Variants in ARID1A observed in about 807,000 individuals in gnomAD.
ARID1A encodes AT-rich interaction domain 1A, also known as AT-rich interactive domain-containing protein 1A.
Under a neutral mutation model 212.6 loss-of-function variants are expected in ARID1A, and 20 were observed. The ratio of observed to expected loss-of-function variants is 0.09; its 90% confidence interval spans 0.07 to 0.14. The LOEUF is 0.14. Ranked by LOEUF, ARID1A falls within the 10% of genes least tolerant of loss-of-function variation. The probability of loss-of-function intolerance (pLI) is 1.00; values close to 1 mark genes in which losing one functional copy is unlikely to be tolerated. For missense variants in ARID1A, 2,587 were observed against 3,059.0 expected, an observed-to-expected ratio of 0.85 and a Z score of 3.64; for synonymous variants, 1,376 against 1,222.1, an observed-to-expected ratio of 1.13 and a Z score of -2.63.
intron 4 of ARID1A, among the ~76,000 whole-genome samples, chr1:26,750,536 A>G (rs2080874846): frequency 6.6e-6 from 1 of 152,072 alleles, no homozygotes; most frequent in Non-Finnish European, 1.5e-5. Context: ...CAAAACCCAA[A>G]CATCCTGCAG....
At chr1:26,758,653 G>C (rs2080963149) in intron 4 of ARID1A, among the ~76,000 whole-genome samples, 1 of 151,940 alleles carries the variant, frequency 6.6e-6, no homozygotes, top group Non-Finnish European at 1.5e-5. Context: ...AAGAACCAAG[G>C]ATGTAATCCC....
chr1:26,752,553 T>C (rs529688551), intron 4 of ARID1A, among the ~76,000 whole-genome samples: 8 of 152,358 alleles, frequency 5.3e-5, no homozygotes, highest in African/African-American at 1.9e-4. Context: ...CAAAAACTTA[T>C]TTGCCTTAAG....
intron 4 of ARID1A, among the ~76,000 whole-genome samples, chr1:26,740,861 G>A (rs186574198): frequency 9.8e-5 from 15 of 152,300 alleles, no homozygotes; most frequent in Admixed American, 9.8e-4. Flanking sequence ...AAGAATACAG[G>A]ACTGAGAATA....
chr1:26,737,639 G>C (rs1418335663), intron 4 of ARID1A, among the ~76,000 whole-genome samples: 2 of 152,128 alleles, frequency 1.3e-5, no homozygotes, highest in Non-Finnish European at 2.9e-5. Flanking sequence ...GCTGAGGTGG[G>C]CGGATCACCT....
chr1:26,771,268 C>A lies in ARID1A; in HGVS notation c.3348C>A (p.Asp1116Glu), dbSNP rs2124097980. 1 of 1,614,212 alleles carries A rather than the reference C, an allele frequency of 6.2e-7. No homozygotes were observed. The highest frequency in any genetic ancestry group is 1.3e-5 in the African/African-American group (1 of 75,050). Residue 1116 changes from aspartate (D) to glutamate (E), a missense_variant, in exon 12 of 20, where the codon GAC becomes GAA. This residue lies in a region of ARID1A where 890 missense variants were observed against 1,098.2 expected (regional missense o/e 0.81). Coordinates refer to ENST00000324856, the MANE Select transcript of ARID1A (RefSeq NM_006015.6). The surrounding 1 kb of genome is among the most constrained non-coding windows in gnomAD (Gnocchi z 5.4). ...KIERGEDPPP[D>E]IFAAADSKKS... Reference sequence around the variant, plus strand: ...AACGGGGAGAAGACCCTCCCCCAGACATCTTTGCAGCTGCTGATTCCAAGA... The same window carrying A: ...AACGGGGAGAAGACCCTCCCCCAGAAATCTTTGCAGCTGCTGATTCCAAGA...
At position 26,731,450 on chromosome 1, in the gene ARID1A, C is replaced by G. The variant is rs761975620; in HGVS notation, c.1649C>G (p.Pro550Arg). The G allele has an allele frequency of 2.4e-5, 38 of 1,613,892 alleles. No individual in the cohort carries two copies. The highest frequency in any genetic ancestry group is 5.0e-5 in the Admixed American group (3 of 59,966). The change falls in exon 3 of 20, where the codon CCC becomes CGC. Residue 550 changes from proline (P) to arginine (R), a missense_variant. Physicochemically the swap from Pro to Arg is moderately radical, Grantham distance 103 (BLOSUM62 -2). This residue lies in a region of ARID1A where 674 missense variants were observed against 813.4 expected (regional missense o/e 0.83). Transcript: ENST00000324856. Reference sequence around the variant, plus strand: ...CAGCAGCACCCCCAGAGCCAGCCCCCCTACTCACAGCCACAGGCTCAGTCT... The same window carrying G: ...CAGCAGCACCCCCAGAGCCAGCCCCGCTACTCACAGCCACAGGCTCAGTCT... ...TTQQHPQSQP[P>R]YSQPQAQSPY...
intron 1 of ARID1A, among the ~76,000 whole-genome samples, chr1:26,701,200 C>T (rs905529966): frequency 6.6e-5 from 10 of 152,160 alleles, no homozygotes; most frequent in Non-Finnish European, 1.2e-4. Context: ...GTTCCCATCC[C>T]TCAAAAGGTT....
chr1:26,760,768 G>A (rs2124052752), intron 4 of ARID1A, 88 bp from the exon 5 acceptor site: 2 of 1,412,504 alleles, frequency 1.4e-6, no homozygotes, highest in Non-Finnish European at 1.9e-6. Flanking sequence ...GGTTGTTTAA[G>A]GAAAATGCTA....
rs761975620 is a variant in ARID1A at position 26,731,450 on chromosome 1, C to A, written c.1649C>A (p.Pro550His). The A allele has an allele frequency of 7.4e-6, 12 of 1,614,010 alleles. No homozygotes were observed. The highest frequency in any genetic ancestry group is 2.7e-5 in the African/African-American group (2 of 74,964). Residue 550 changes from proline (P) to histidine (H), a missense_variant, in exon 3 of 20, where the codon CCC becomes CAC. This residue lies in a region of ARID1A where 674 missense variants were observed against 813.4 expected (regional missense o/e 0.83). Transcript: ENST00000324856. Reference protein sequence around the residue: ...TTQQHPQSQPPYSQPQAQSPY... With the variant: ...TTQQHPQSQPHYSQPQAQSPY... ...CAGCAGCACCCCCAGAGCCAGCCCC[C>A]CTACTCACAGCCACAGGCTCAGTCT...
chr1:26,755,204 G>C (rs113070718), intron 4 of ARID1A, among the ~76,000 whole-genome samples: 2 of 152,222 alleles, frequency 1.3e-5, no homozygotes, highest in Non-Finnish European at 2.9e-5. Flanking sequence ...CTGGCATATA[G>C]TAGATGCTTA....
chr1:26,744,526 G>T (rs1036607908), intron 4 of ARID1A, among the ~76,000 whole-genome samples: 1 of 152,158 alleles, frequency 6.6e-6, no homozygotes, highest in Non-Finnish European at 1.5e-5. Context: ...TTTTCAGTTT[G>T]TCGTCAGCCC....
rs544906482 is a variant in ARID1A, at chr1:26,729,527, C to T, written c.1138-124C>T. On this transcript the variant is annotated intron_variant, in intron 1 of 19. Transcript: ENST00000324856. ...AAAGGTTACTAGGTTGGTCTCATTG[C>T]TCTTTCAAAGTAACTGTATTTCTTT... 1.6e-5 allele frequency: 18 copies of T among 1,137,844 alleles called. No homozygotes were observed. In the South Asian group the frequency reaches 2.4e-4, roughly 15 times the overall value. 70.5% of individuals were successfully genotyped at this position (1,137,844 alleles called of 1,614,324 possible).
rs2124136367 is a variant in ARID1A, at chr1:26,779,027, C to T, written c.5129C>T (p.Pro1710Leu). 1 of 1,500,296 alleles carries T rather than the reference C, an allele frequency of 6.7e-7. No homozygotes were observed. Among genetic ancestry groups the T allele is most frequent in the Non-Finnish European group, 8.9e-7 (1 of 1,124,152 alleles). The allele number at this position is 1,500,296 out of a possible 1,614,324, so 92.9% of individuals were successfully genotyped here. A position where few individuals can be genotyped will look rare whatever the true frequency, so the allele number is the denominator to read the frequency against. The change falls in exon 20 of 20, where the codon CCA becomes CTA. Residue 1710 changes from proline to leucine, a missense_variant. Transcript: ENST00000324856. Reference protein sequence around the residue: ...SIMTFNLSQLPGLLELLVEYF... With the variant: ...SIMTFNLSQLLGLLELLVEYF... The stretch of plus-strand genomic sequence containing the variant: ...TCCTGTTCTTTCTCTTTTTAGCTCC[C>T]AGGGTTGCTAGAGCTCCTTGTAGAA...
At chr1:26,729,355 C>G (rs1410204471) in intron 1 of ARID1A, 4 of 409,592 alleles carry the variant, frequency 9.8e-6, no homozygotes, top group Non-Finnish European at 1.8e-5. Flanking sequence ...ACTGAAGGGC[C>G]TTTGTTTATA....
In ARID1A at chr1:26,772,865, C is replaced by T. The variant is rs2124107031; in HGVS notation, c.3593C>T (p.Thr1198Ile). 6.2e-7 allele frequency: 1 copy of T among 1,614,188 alleles called. No homozygotes were observed. The highest frequency in any genetic ancestry group is 8.5e-7 in the Non-Finnish European group (1 of 1,180,042). The change falls in exon 14 of 20, where the codon ACA becomes ATA. Residue 1198 changes from threonine (T) to isoleucine (I), a missense_variant. Thr to Ile is a moderately conservative substitution (Grantham distance 89, BLOSUM62 -1). Transcript: ENST00000324856. ...GCCTTTAATGATGGAAGTGACTCCACATTCCAGAAGCGGAATTCCATGACT... is the reference window on the plus strand; with the variant it reads ...GCCTTTAATGATGGAAGTGACTCCATATTCCAGAAGCGGAATTCCATGACT... Reference protein sequence around the residue: ...QDAFNDGSDSTFQKRNSMTPN... With the variant: ...QDAFNDGSDSIFQKRNSMTPN...
At chr1:26,725,427 G>T in intron 1 of ARID1A, among the ~76,000 whole-genome samples, 1 of 152,118 alleles carries the variant, frequency 6.6e-6, no homozygotes. Context: ...TGTGAGTTAT[G>T]TCCCTGCTCA....
At chr1:26,729,626 T>C in intron 1 of ARID1A, 25 bp from the exon 2 acceptor site, 1 of 1,612,228 alleles carries the variant, frequency 6.2e-7, no homozygotes. Context: ...AAGCTCAGGT[T>C]AATGAAATGC....
In ARID1A at chr1:26,773,364, T is replaced by A. The variant is rs1198502333; in HGVS notation, c.3734T>A (p.Phe1245Tyr). The change falls in exon 15 of 20, where the codon TTC (phenylalanine) becomes TAC (tyrosine). Residue 1245 changes from phenylalanine to tyrosine, a missense_variant. Coordinates refer to ENST00000324856, the MANE Select transcript of ARID1A (RefSeq NM_006015.6). ...SMRKAPGSDP[F>Y]MSSGQGPNGG... ...CGCTCAGCTCCAGGGAGTGATCCCT[T>A]CATGTCCTCAGGGCAGGGCCCCAAC... 2 of 1,601,586 alleles carry A rather than the reference T, an allele frequency of 1.2e-6. No homozygotes were observed. Among genetic ancestry groups the A allele is most frequent in the Non-Finnish European group, 1.7e-6 (2 of 1,174,532 alleles).
At chr1:26,747,871 G>A (rs2080852543) in intron 4 of ARID1A, among the ~76,000 whole-genome samples, 1 of 151,920 alleles carries the variant, frequency 6.6e-6, no homozygotes, top group African/African-American at 2.4e-5. Flanking sequence ...AATAATATAG[G>A]TCAATGTTCA....
Sources: allele counts gnomAD v4.1 joint callset (sites outside exome capture counted in the v4.1 genomes callset), GRCh38; gene constraint gnomAD v4.1.1; regional missense constraint gnomAD v4.1.1; non-coding constraint Gnocchi (gnomAD v3.1); transcripts MANE v1.5; gene names NCBI Gene and HGNC (gene_info 2026-07-23, HGNC 2026-07-21).